Variants in HSPG2 observed in about 807,000 individuals in gnomAD.
HSPG2 encodes the protein basement membrane-specific heparan sulfate proteoglycan core protein.
A neutral mutation model predicts 526.6 loss-of-function variants in HSPG2; 278 were observed. That is an observed-to-expected ratio of 0.53 (90% CI 0.48 to 0.58). The LOEUF is 0.58. HSPG2 is among the 20% of genes least tolerant of loss of function. The pLI, the probability that HSPG2 is intolerant of heterozygous loss-of-function variation, is 0.00. For synonymous variants in HSPG2, 2,465 were observed against 2,555.4 expected, an observed-to-expected ratio of 0.96 and a Z score of 1.07; for missense variants, 5,354 against 6,099.5, an observed-to-expected ratio of 0.88 and a Z score of 4.07.
Position 21,830,090 on chromosome 1 carries a change from C to T in HSPG2, c.11673G>A (p.Glu3891=), listed in dbSNP as rs1557675204. The change falls in exon 86 of 97, where the codon GAG becomes GAA. Residue 3891 remains glutamate (E), a splice_region_variant and synonymous_variant. Coordinates refer to ENST00000374695, the MANE Select transcript of HSPG2 (RefSeq NM_005529.7). ...EHSQALHCHP[E]ACGPDATCVN... is the part of the protein sequence containing the mutation. ...CACAGGTGGCGTCGGGCCCACAGGC[C>T]TCTGGGGGGCACATAGGCCAGTGAA... 1 of 1,592,384 alleles carries T rather than the reference C, an allele frequency of 6.3e-7. No individual in the cohort carries two copies. The highest frequency in any genetic ancestry group is 8.5e-7 in the Non-Finnish European group (1 of 1,171,168).
chr1:21,865,314 T>C lies in HSPG2; in HGVS notation c.4366A>G (p.Arg1456Gly). 1 of 1,614,008 alleles carries C rather than the reference T, an allele frequency of 6.2e-7. No individual in the cohort carries two copies. Among genetic ancestry groups the C allele is most frequent in the Non-Finnish European group, 8.5e-7 (1 of 1,179,950 alleles). ...CGGAACATGATCTCGTAGCTCCTCC[T>C]CTCAGGGCCCTGCAGCGCTGGCTGG... ...ASQPALQGPE[R>G]RSYEIMFREE... Residue 1456 changes from arginine (R) to glycine (G), a missense_variant, in exon 35 of 97, where the codon AGG (arginine) becomes GGG (glycine). Arg to Gly is a moderately radical substitution (Grantham distance 125). Transcript: ENST00000374695. The surrounding 1 kb of genome is among the most constrained non-coding windows in gnomAD (Gnocchi z 5.4).
chr1:21,859,473 T>C lies in HSPG2; in HGVS notation c.5293+93A>G. On this transcript the variant is annotated intron_variant, in intron 42 of 96. Coordinates refer to ENST00000374695, the MANE Select transcript of HSPG2 (RefSeq NM_005529.7). The surrounding 1 kb of genome is among the most constrained non-coding windows in gnomAD (Gnocchi z 5.3). ...CCTTGTTCGGGCAACCACTGCCCCCTCCCAGCAGGTGAATGCACCATCTGC... is the reference window on the plus strand; with the variant it reads ...CCTTGTTCGGGCAACCACTGCCCCCCCCCAGCAGGTGAATGCACCATCTGC... 3.0e-6 allele frequency: 3 copies of C among 985,260 alleles called. No individual in the cohort carries two copies. The highest frequency in any genetic ancestry group is 4.7e-6 in the Non-Finnish European group (3 of 633,466). 61.0% of individuals were successfully genotyped at this position (985,260 alleles called of 1,614,324 possible). A position where few individuals can be genotyped will look rare whatever the true frequency, so the allele number is the denominator to read the frequency against.
intron 57 of HSPG2, 53 bp from the exon 58 acceptor site, chr1:21,849,084 C>G (rs930281547): frequency 3.1e-6 from 5 of 1,596,334 alleles, no homozygotes; most frequent in Non-Finnish European, 4.3e-6. Flanking sequence ...CTGCGGCTCA[C>G]GCCAAGCTCC....
At chr1:21,833,421 C>A (rs774604848) in intron 79 of HSPG2, 37 bp from the exon 80 acceptor site, 1 of 1,613,998 alleles carries the variant, frequency 6.2e-7, no homozygotes. Flanking sequence ...CCCTGCCAGT[C>A]AGGGAGTGGG....
intron 2 of HSPG2, 28 bp downstream of exon 2, chr1:21,896,147 T>G (rs1447509867): frequency 6.2e-7 from 1 of 1,608,912 alleles, no homozygotes; most frequent in Non-Finnish European, 8.5e-7. Flanking sequence ...CCCACCCCTC[T>G]GCTCCCAGCC....
Position 21,926,710 on chromosome 1 carries a change from C to T in HSPG2, c.63+10445G>A, listed in dbSNP as rs558362914. Among the ~76,000 whole-genome samples the T allele has an allele frequency of 6.3e-5, 9 of 143,714 alleles. No homozygotes were observed. In the South Asian group the frequency reaches 1.5e-3, roughly 24 times the overall value. 94.3% of individuals were successfully genotyped at this position (143,714 alleles called of 152,430 possible). A position where few individuals can be genotyped will look rare whatever the true frequency, so the allele number is the denominator to read the frequency against. On this transcript the variant is annotated intron_variant, in intron 1 of 96. Coordinates refer to ENST00000374695, the MANE Select transcript of HSPG2 (RefSeq NM_005529.7). ...CCGAGAGGCAGAGGTTGCAGTGAGC[C>T]GAGATCGCACCACTACACTTCAGGC...
At position 21,852,217 on chromosome 1, in the gene HSPG2, G is replaced by C. The variant is rs1035139911; in HGVS notation, c.6741C>G (p.Val2247=). Residue 2247 remains valine (V), a synonymous_variant, in exon 53 of 97, where the codon GTC becomes GTG. Transcript: ENST00000374695. Reference sequence around the variant, plus strand: ...CTGTGGAGGATGAAGACTCGATCCTGACAGGTGGGATGGGTCCTGCAGCAG... The same window carrying C: ...CTGTGGAGGATGAAGACTCGATCCTCACAGGTGGGATGGGTCCTGCAGCAG... ...ASVIPGPIPP[V]RIESSSSTVA... The C allele has an allele frequency of 6.2e-7, 1 of 1,614,096 alleles. No individual in the cohort carries two copies. The highest frequency in any genetic ancestry group is 8.5e-7 in the Non-Finnish European group (1 of 1,180,034).
intron 3 of HSPG2, among the ~76,000 whole-genome samples, chr1:21,894,777 A>T (rs561849100): frequency 1.3e-5 from 2 of 152,150 alleles, no homozygotes; most frequent in Non-Finnish European, 2.9e-5. Context: ...CCAGGGACAC[A>T]TTAGCATAGG....
In HSPG2 at chr1:21,823,422, T is replaced by C. The variant is rs533311782; in HGVS notation, c.13070A>G (p.Lys4357Arg). The stretch of plus-strand genomic sequence containing the variant: ...TCGGGCCGAGTGCAGCACCAGGTTC[T>C]TGACACAGCCTGTGATGCCTGAGGA... ...RFSSGITGCV[K>R]NLVLHSARPG... Residue 4357 changes from lysine to arginine, a missense_variant, in exon 97 of 97, where the codon AAG becomes AGG. Transcript: ENST00000374695. 5 of 1,587,094 alleles carry C rather than the reference T, an allele frequency of 3.2e-6. No individual in the cohort carries two copies. The highest frequency in any genetic ancestry group is 3.5e-5 in the Admixed American group (2 of 57,806).
chr1:21,866,654 G>A (rs1483195464), intron 33 of HSPG2, among the ~76,000 whole-genome samples: 1 of 152,234 alleles, frequency 6.6e-6, no homozygotes, highest in African/African-American at 2.4e-5. Context: ...TGTTGCTCAT[G>A]ACTGGGGAGT....
At chr1:21,849,118 C>G in intron 57 of HSPG2, 87 bp from the exon 58 acceptor site, 1 of 1,461,146 alleles carries the variant, frequency 6.8e-7, no homozygotes, top group Non-Finnish European at 9.4e-7. Context: ...GGTGCCACTC[C>G]CAGCCCAGCC....
chr1:21,900,608 G>T (rs1643044719), intron 1 of HSPG2, among the ~76,000 whole-genome samples: 1 of 152,130 alleles, frequency 6.6e-6, no homozygotes, highest in South Asian at 2.1e-4. Context: ...TACAGGAGTG[G>T]GGCACAGAAT....
rs1446997256 is a variant in HSPG2, at chr1:21,849,045, G to A, written c.7447-14C>T. ...CGAGCCATGCACCTGGGAGGGTCAG[G>A]AGGGAGGAGGCAGGCTCAGAGCTGG... is the stretch of plus-strand genomic sequence containing the variant. On this transcript the variant is annotated splice_polypyrimidine_tract_variant and intron_variant, in intron 57 of 96. Coordinates refer to ENST00000374695, the MANE Select transcript of HSPG2 (RefSeq NM_005529.7). 4 of 1,612,956 alleles carry A rather than the reference G, an allele frequency of 2.5e-6. No homozygotes were observed. The highest frequency in any genetic ancestry group is 3.3e-5 in the Admixed American group (2 of 60,014).
chr1:21,891,206 C>G (rs1021193814), intron 3 of HSPG2, among the ~76,000 whole-genome samples: 25 of 152,246 alleles, frequency 1.6e-4, no homozygotes, highest in African/African-American at 5.8e-4. Flanking sequence ...CACCTTCCAC[C>G]GTGTACTGCA....
chr1:21,875,339 C>A, intron 25 of HSPG2: 1 of 597,384 alleles, frequency 1.7e-6, no homozygotes, highest in Non-Finnish European at 3.0e-6. Flanking sequence ...TGGGCTGAGG[C>A]TGGGGCTAGA....
rs766287348 is a variant in HSPG2, at chr1:21,884,733, C to T, written c.1507+34G>A. The T allele has an allele frequency of 4.3e-6, 7 of 1,612,088 alleles. No homozygotes were observed. The East Asian group carries it at 1.3e-4, about 31-fold the overall frequency. ...CTGTGGTGGGCAGCCCGGCTCTGCCCCCACACCCGGTGACACCTGCCCTCC... is the reference window on the plus strand; with the variant it reads ...CTGTGGTGGGCAGCCCGGCTCTGCCTCCACACCCGGTGACACCTGCCCTCC... On this transcript the variant is annotated intron_variant, in intron 12 of 96. Coordinates refer to ENST00000374695, the MANE Select transcript of HSPG2 (RefSeq NM_005529.7).
chr1:21,857,442 GC>G, intron 42 of HSPG2, 57 bp from the exon 43 acceptor site: 1 of 1,491,390 alleles, frequency 6.7e-7, no homozygotes, highest in Non-Finnish European at 9.3e-7. Flanking sequence ...CGGTCCTGTG[GC>G]CACTTTGTCT....
At position 21,833,294 on chromosome 1, in the gene HSPG2, A is replaced by G; in HGVS notation, c.11069T>C (p.Ile3690Thr). 1 of 1,614,116 alleles carries G rather than the reference A, an allele frequency of 6.2e-7. No homozygotes were observed. The highest frequency in any genetic ancestry group is 8.5e-7 in the Non-Finnish European group (1 of 1,180,016). Residue 3690 changes from isoleucine (I) to threonine (T), a missense_variant, in exon 80 of 97, where the codon ATC becomes ACC. Ile to Thr is a moderately conservative substitution (Grantham distance 89). Coordinates refer to ENST00000374695, the MANE Select transcript of HSPG2 (RefSeq NM_005529.7). The stretch of plus-strand genomic sequence containing the variant: ...ATCGGCTGAGTCGGGCCGGAAGGTG[A>G]TCTTGATCTCGAACTTCCTGTAGGC... ...KDAYRKFEIK[I>T]TFRPDSADGM...
At position 21,887,714 on chromosome 1, in the gene HSPG2, G is replaced by T. The variant is rs1204795243; in HGVS notation, c.704-40C>A. 1 of 1,613,490 alleles carries T rather than the reference G, an allele frequency of 6.2e-7. No individual in the cohort carries two copies. Among genetic ancestry groups the T allele is most frequent in the East Asian group, 2.2e-5 (1 of 44,872 alleles). The stretch of plus-strand genomic sequence containing the variant: ...CGCTTGGCATTTGGCAGAAGCAGAT[G>T]GCTCCTCACCTGCTCCTTGTCCCCA... On this transcript the variant is annotated intron_variant, in intron 7 of 96. Coordinates refer to ENST00000374695, the MANE Select transcript of HSPG2 (RefSeq NM_005529.7). This position sits in a 1 kb window ranked among gnomAD's most constrained non-coding sequence, Gnocchi z 5.0.
Sources: gnomAD v4.1 joint callset for allele counts (sites outside exome capture counted in the v4.1 genomes callset) on GRCh38, gnomAD v4.1.1 for gene constraint, Gnocchi (gnomAD v3.1) non-coding constraint, MANE v1.5 for transcripts, NCBI Gene and HGNC (gene_info 2026-07-23, HGNC 2026-07-21) for gene names.